The following C8orf34 variants were observed in gnomAD, a reference collection of about 807,000 sequenced individuals.
The protein encoded by C8orf34 is uncharacterized protein C8orf34.
In C8orf34, 65 loss-of-function variants were observed where a neutral mutation model predicts 68.3. That is an observed-to-expected ratio of 0.95 (90% confidence interval 0.78 to 1.17). The LOEUF (loss-of-function observed/expected upper bound fraction) is 1.17. C8orf34 is among the 50% of genes most tolerant of loss of function. The pLI is 0.00. For synonymous variants in C8orf34, 244 were observed against 241.2 expected, an observed-to-expected ratio of 1.01 and a Z score of -0.11; for missense variants, 664 against 655.4, an observed-to-expected ratio of 1.01 and a Z score of -0.14.
At chr8:68,332,090 G>GT (rs927650578) in intron 1 of C8orf34, among the ~76,000 whole-genome samples, 22 of 149,918 alleles carry the variant, frequency 1.5e-4, no homozygotes, top group East Asian at 3.9e-4. Context: ...AGCTGGTTTT[G>GT]TTTTTTTTTC....
At chr8:68,593,489 T>A (rs950161368) in intron 7 of C8orf34, among the ~76,000 whole-genome samples, 3 of 152,048 alleles carry the variant, frequency 2.0e-5, no homozygotes, top group Non-Finnish European at 4.4e-5. Context: ...CTCATTTGCA[T>A]GGAGGACTTT....
Position 68,446,694 on chromosome 8 carries a change from T to C in C8orf34, c.607+234T>C. 1.0e-5 allele frequency: 5 copies of C among 488,836 alleles called. No homozygotes were observed. In the South Asian group the frequency reaches 2.1e-4, roughly 20 times the overall value. 30.3% of individuals were successfully genotyped at this position (488,836 alleles called of 1,614,324 possible). A position where few individuals can be genotyped will look rare whatever the true frequency, so the allele number is the denominator to read the frequency against. On this transcript the variant is annotated intron_variant, in intron 3 of 13. Transcript: ENST00000518698. ...ACTTGGACCCTTTTGAGTATAATATTCCTTGAAGAATATAAACTGCATGGA... is the reference window on the plus strand; with the variant it reads ...ACTTGGACCCTTTTGAGTATAATATCCCTTGAAGAATATAAACTGCATGGA...
intron 7 of C8orf34, among the ~76,000 whole-genome samples, chr8:68,579,303 T>G (rs1186724958): frequency 6.6e-6 from 1 of 152,090 alleles, no homozygotes; most frequent in Admixed American, 6.6e-5. Flanking sequence ...AAAATTTGCT[T>G]TTCTAAAGCA....
intron 7 of C8orf34, among the ~76,000 whole-genome samples, chr8:68,605,657 T>C (rs1050892502): frequency 1.3e-5 from 2 of 151,986 alleles, no homozygotes; most frequent in Non-Finnish European, 2.9e-5. Flanking sequence ...TCTAACTACA[T>C]GACACTAGAA....
intron 10 of C8orf34, among the ~76,000 whole-genome samples, chr8:68,730,389 T>C (rs920592120): frequency 1.3e-5 from 2 of 152,172 alleles, no homozygotes; most frequent in African/African-American, 4.8e-5. Flanking sequence ...AAGATGCCAA[T>C]AAAGCTGCTC....
At chr8:68,628,445 T>C (rs1818599564) in intron 7 of C8orf34, among the ~76,000 whole-genome samples, 1 of 152,182 alleles carries the variant, frequency 6.6e-6, no homozygotes, top group Admixed American at 6.5e-5. Context: ...TTTTCCCCTT[T>C]TTAGGAACTA....
At chr8:68,629,292 C>T (rs372615169) in intron 7 of C8orf34, among the ~76,000 whole-genome samples, 80 of 152,196 alleles carry the variant, frequency 5.3e-4, no homozygotes, top group African/African-American at 1.6e-3. Context: ...TCTCAGCATG[C>T]GTGAAACCAA....
chr8:68,353,549 A>G (rs1039374145), intron 1 of C8orf34, among the ~76,000 whole-genome samples: 31 of 149,490 alleles, frequency 2.1e-4, no homozygotes, highest in African/African-American at 6.6e-4. Flanking sequence ...ATGTATATAT[A>G]CACATATGTG....
At chr8:68,651,539 A>G (rs1819357284) in intron 8 of C8orf34, among the ~76,000 whole-genome samples, 5 of 152,362 alleles carry the variant, frequency 3.3e-5, no homozygotes, top group Middle Eastern at 3.4e-3. Flanking sequence ...TCCTACAATT[A>G]GGGAATGAAA....
At chr8:68,405,001 G>A (rs552528823) in intron 1 of C8orf34, among the ~76,000 whole-genome samples, 8 of 152,186 alleles carry the variant, frequency 5.3e-5, no homozygotes, top group South Asian at 2.1e-4. Context: ...ATCCATGAGC[G>A]TGTAATGTTT....
chr8:68,613,391 A>G (rs921182356), intron 7 of C8orf34, among the ~76,000 whole-genome samples: 1 of 151,944 alleles, frequency 6.6e-6, no homozygotes, highest in African/African-American at 2.4e-5. Context: ...GTGTTGCACC[A>G]ATTAACTCGT....
intron 7 of C8orf34, among the ~76,000 whole-genome samples, chr8:68,579,691 C>A (rs955565919): frequency 2.0e-5 from 3 of 152,164 alleles, no homozygotes; most frequent in Admixed American, 1.3e-4. Context: ...CATCCCATCA[C>A]CATTTGTGGT....
chr8:68,502,015 C>G (rs1048165607), intron 5 of C8orf34, among the ~76,000 whole-genome samples: 1 of 152,074 alleles, frequency 6.6e-6, no homozygotes, highest in Admixed American at 6.5e-5. Context: ...AGAATTAGTA[C>G]TCCGTGTGTG....
intron 4 of C8orf34, among the ~76,000 whole-genome samples, chr8:68,479,629 C>T (rs1215149091): frequency 3.9e-5 from 6 of 152,118 alleles, no homozygotes; most frequent in Non-Finnish European, 8.8e-5. Flanking sequence ...TCCTCTGAGA[C>T]TGAAGAGAAC....
At chr8:68,802,697 C>T (rs1226978796) in intron 12 of C8orf34, among the ~76,000 whole-genome samples, 1 of 152,002 alleles carries the variant, frequency 6.6e-6, no homozygotes, top group Non-Finnish European at 1.5e-5. Context: ...AAGGTTTCCC[C>T]ATGTTGCCCA....
intron 3 of C8orf34, among the ~76,000 whole-genome samples, chr8:68,458,961 G>C (rs1432209856): frequency 6.6e-6 from 1 of 152,130 alleles, no homozygotes; most frequent in South Asian, 2.1e-4. Flanking sequence ...CCTGTAGAAA[G>C]AGAAATAGTC....
chr8:68,721,637 C>T (rs749988700), intron 10 of C8orf34, among the ~76,000 whole-genome samples, 200 bp downstream of exon 10: 21 of 151,732 alleles, frequency 1.4e-4, no homozygotes, highest in Non-Finnish European at 2.8e-4. Flanking sequence ...CTTGCTTGTG[C>T]ATGTGAGCAT....
intron 1 of C8orf34, among the ~76,000 whole-genome samples, chr8:68,353,198 C>T (rs1226303899): frequency 6.6e-6 from 1 of 151,968 alleles, no homozygotes; most frequent in Non-Finnish European, 1.5e-5. Flanking sequence ...GAATTTTGAG[C>T]ATAGGGTCTT....
At position 68,521,987 on chromosome 8, in the gene C8orf34, T is replaced by C. The variant is rs755486517; in HGVS notation, c.938+16T>C. 1 of 1,609,988 alleles carries C rather than the reference T, an allele frequency of 6.2e-7. No individual in the cohort carries two copies. The highest frequency in any genetic ancestry group is 8.5e-7 in the Non-Finnish European group (1 of 1,177,390). The stretch of plus-strand genomic sequence containing the variant: ...CTGCAGGAAGGTGAGATGAGCTGTC[T>C]GCTGAGATTCTATATTACTAGTCAT... On this transcript the variant is annotated intron_variant, in intron 6 of 13. Coordinates refer to ENST00000518698, the MANE Select transcript of C8orf34 (RefSeq NM_052958.4).
Sources: allele counts gnomAD v4.1 joint callset (sites outside exome capture counted in the v4.1 genomes callset), GRCh38; gene constraint gnomAD v4.1.1; transcripts MANE v1.5; gene names NCBI Gene and HGNC (gene_info 2026-07-23, HGNC 2026-07-21).